The following CAMTA1 variants were observed in gnomAD, a reference collection of about 807,000 sequenced individuals.
CAMTA1 encodes calmodulin-binding transcription activator 1.
Under a neutral mutation model 170.9 loss-of-function variants are expected in CAMTA1, and 27 were observed. That is an observed-to-expected ratio of 0.16 (90% CI 0.12 to 0.22). The LOEUF is 0.22. Among genes scored for constraint, CAMTA1 ranks in the 10% least tolerant of loss-of-function variants. The pLI, the probability that CAMTA1 is intolerant of heterozygous loss-of-function variation, is 1.00. For missense variants in CAMTA1, 1,619 were observed against 2,217.2 expected (o/e 0.73, Z 5.42); for synonymous variants, 833 against 891.5 (o/e 0.93, Z 1.17).
chr1:7,568,770 CA>C (rs1271576102), intron 6 of CAMTA1, among the ~76,000 whole-genome samples: 2 of 151,066 alleles, frequency 1.3e-5, no homozygotes, highest in African/African-American at 4.9e-5. Flanking sequence ...TCATCATCAC[CA>C]TCACATCACC....
At chr1:7,256,394 C>T (rs1056920766) in intron 5 of CAMTA1, among the ~76,000 whole-genome samples, 6 of 152,042 alleles carry the variant, frequency 3.9e-5, no homozygotes, top group Admixed American at 3.9e-4. Context: ...CCCGTCTCTA[C>T]TAAAAATACA....
chr1:7,410,894 CGTCTGTGTGTGT>C, intron 5 of CAMTA1, among the ~76,000 whole-genome samples: 1 of 91,996 alleles, frequency 1.1e-5, no homozygotes, highest in East Asian at 2.3e-4. Flanking sequence ...GGAGGGTGGG[CGTCTGTGTGTGT>C]GTGTGTGTGT....
chr1:6,810,066 G>T (rs1644987225), intron 1 of CAMTA1, among the ~76,000 whole-genome samples: 2 of 152,178 alleles, frequency 1.3e-5, no homozygotes, highest in East Asian at 3.9e-4. Flanking sequence ...TATAGCTGCT[G>T]TAACCAATCA....
intron 5 of CAMTA1, among the ~76,000 whole-genome samples, chr1:7,260,193 G>A (rs1306648470): frequency 6.6e-6 from 1 of 152,196 alleles, no homozygotes; most frequent in Non-Finnish European, 1.5e-5. Flanking sequence ...GACCATGGAT[G>A]TAGTTGGTCC....
intron 5 of CAMTA1, among the ~76,000 whole-genome samples, chr1:7,316,939 A>AT (rs1233042338): frequency 6.6e-6 from 1 of 152,162 alleles, no homozygotes; most frequent in Non-Finnish European, 1.5e-5. Flanking sequence ...GAGAGCACCT[A>AT]TTTGTTCACT....
intron 3 of CAMTA1, among the ~76,000 whole-genome samples, chr1:7,022,836 T>C (rs1292168742): frequency 6.6e-6 from 1 of 152,134 alleles, no homozygotes; most frequent in Non-Finnish European, 1.5e-5. Context: ...TCTAAACCCA[T>C]AGAAATGTTG....
intron 3 of CAMTA1, among the ~76,000 whole-genome samples, chr1:6,884,678 G>A (rs1672677499): frequency 6.6e-6 from 1 of 152,154 alleles, no homozygotes; most frequent in Admixed American, 6.5e-5. Flanking sequence ...GTTAGGAAGC[G>A]AGCCCATTTT....
intron 3 of CAMTA1, among the ~76,000 whole-genome samples, chr1:6,919,105 C>T (rs370796788): frequency 8.5e-5 from 13 of 152,182 alleles, no homozygotes; most frequent in East Asian, 5.8e-4. Flanking sequence ...CACCTTTTTC[C>T]GGAGGTTTGT....
chr1:7,613,245 C>A (rs1432517260), intron 6 of CAMTA1, among the ~76,000 whole-genome samples: 1 of 152,186 alleles, frequency 6.6e-6, no homozygotes, highest in South Asian at 2.1e-4. Flanking sequence ...TAGAGCAAAG[C>A]CAGAGTCCTC....
intron 4 of CAMTA1, among the ~76,000 whole-genome samples, chr1:7,210,767 C>T (rs561636983): frequency 5.3e-5 from 8 of 152,060 alleles, no homozygotes; most frequent in African/African-American, 9.7e-5. Context: ...CTCATTGATT[C>T]GTTTATACCC....
At chr1:7,062,485 G>A (rs1708366275) in intron 3 of CAMTA1, among the ~76,000 whole-genome samples, 1 of 152,178 alleles carries the variant, frequency 6.6e-6, no homozygotes, top group African/African-American at 2.4e-5. Context: ...AGCGGCCGGT[G>A]CCAAGAAGGT....
In CAMTA1 at chr1:6,980,825, C is replaced by T. The variant is rs139537623; in HGVS notation, c.235-110479C>T. Reference sequence around the variant, plus strand: ...CATGTGGAACTGTGAGTCCATTAAACCTCTTTTCTTTATAAATTACTCAGT... The same window carrying T: ...CATGTGGAACTGTGAGTCCATTAAATCTCTTTTCTTTATAAATTACTCAGT... On this transcript the variant is annotated intron_variant, in intron 3 of 22. Coordinates refer to ENST00000303635, the MANE Select transcript of CAMTA1 (RefSeq NM_015215.4). Among the ~76,000 whole-genome samples, 1,073 of 152,296 alleles carry T rather than the reference C, an allele frequency of 7.0e-3. 18 individuals are homozygous for T. Among genetic ancestry groups the T allele is most frequent in the African/African-American group, 0.024 (991 of 41,548 alleles).
At chr1:7,470,119 TC>T (rs1160440583) in intron 6 of CAMTA1, among the ~76,000 whole-genome samples, 3 of 152,150 alleles carry the variant, frequency 2.0e-5, no homozygotes, top group Admixed American at 6.5e-5. Flanking sequence ...GAGCCATCCC[TC>T]CCCATCCCTC....
At chr1:7,308,144 A>G (rs1024815090) in intron 5 of CAMTA1, among the ~76,000 whole-genome samples, 2 of 151,928 alleles carry the variant, frequency 1.3e-5, no homozygotes, top group African/African-American at 4.8e-5. Flanking sequence ...GAATTTATCT[A>G]TGTGAAGTTG....
At chr1:6,912,809 A>T (rs148717359) in intron 3 of CAMTA1, among the ~76,000 whole-genome samples, 1 of 152,174 alleles carries the variant, frequency 6.6e-6, no homozygotes, top group Non-Finnish European at 1.5e-5. Flanking sequence ...GCCCGCCTCC[A>T]TGCCCGTCAC....
chr1:7,664,632 G>A lies in CAMTA1; in HGVS notation c.2085G>A (p.Ser695=), dbSNP rs567138522. 272 of 1,607,908 alleles carry A rather than the reference G, an allele frequency of 1.7e-4. 4 individuals carry two copies. In the South Asian group the frequency reaches 2.9e-3, roughly 17 times the overall value. ...TAEGEVTMET[S]QAAEGSEVLL... is the part of the protein sequence containing the mutation. Reference sequence around the variant, plus strand: ...AAGGGGAGGTCACCATGGAGACCTCGCAGGCGGCGGAAGGGAGCGAGGTCC... The same window carrying A: ...AAGGGGAGGTCACCATGGAGACCTCACAGGCGGCGGAAGGGAGCGAGGTCC... Residue 695 remains serine (S), a synonymous_variant, in exon 9 of 23, where the codon TCG becomes TCA. Transcript: ENST00000303635.
At chr1:7,059,287 G>A (rs375684427) in intron 3 of CAMTA1, among the ~76,000 whole-genome samples, 2 of 152,340 alleles carry the variant, frequency 1.3e-5, no homozygotes, top group East Asian at 3.9e-4. Flanking sequence ...GTGGGTGGAA[G>A]AGGTGGGGGT....
chr1:6,875,661 C>G (rs1028489821), intron 3 of CAMTA1, among the ~76,000 whole-genome samples: 2 of 152,122 alleles, frequency 1.3e-5, no homozygotes, highest in East Asian at 1.9e-4. Context: ...TCTTCCTGCC[C>G]CCCATGGAGG....
intron 11 of CAMTA1, among the ~76,000 whole-genome samples, chr1:7,691,161 AC>A (rs1432753801): frequency 6.6e-6 from 1 of 152,106 alleles, no homozygotes; most frequent in Non-Finnish European, 1.5e-5. Context: ...TGAAGAAATG[AC>A]CCCCAAACCA....
Sources: allele counts gnomAD v4.1 joint callset (sites outside exome capture counted in the v4.1 genomes callset), GRCh38; gene constraint gnomAD v4.1.1; transcripts MANE v1.5; gene names NCBI Gene and HGNC (gene_info 2026-07-23, HGNC 2026-07-21).